The following C8orf34 variants were observed in gnomAD, a reference collection of about 807,000 sequenced individuals.
C8orf34 encodes uncharacterized protein C8orf34.
Under a neutral mutation model 68.3 loss-of-function variants are expected in C8orf34, and 65 were observed. The observed-to-expected ratio is 0.95, with a 90% CI of 0.78 to 1.17. C8orf34 has a LOEUF of 1.17. Ranked by LOEUF, C8orf34 falls within the 50% of genes most tolerant of loss-of-function variation. The pLI, the probability that C8orf34 is intolerant of heterozygous loss-of-function variation, is 0.00. For synonymous variants in C8orf34, 244 were observed against 241.2 expected (o/e 1.01, Z -0.11); for missense variants, 664 against 655.4 (o/e 1.01, Z -0.14).
intron 8 of C8orf34, among the ~76,000 whole-genome samples, chr8:68,670,761 ATTAAT>A (rs1387117037): frequency 5.3e-5 from 8 of 152,136 alleles, no homozygotes; most frequent in Admixed American, 1.3e-4. Context: ...ACATATGCAC[ATTAAT>A]TTGTTATGGC....
At chr8:68,476,724 A>C (rs1424263299) in intron 4 of C8orf34, among the ~76,000 whole-genome samples, 7 of 152,174 alleles carry the variant, frequency 4.6e-5, no homozygotes, top group Non-Finnish European at 8.8e-5. Context: ...CAATGGGCAA[A>C]GATATATGTA....
chr8:68,620,566 C>T (rs1486891350), intron 7 of C8orf34, among the ~76,000 whole-genome samples: 1 of 151,716 alleles, frequency 6.6e-6, no homozygotes, highest in Non-Finnish European at 1.5e-5. Flanking sequence ...CCCTTACAGC[C>T]AGATGCCACC....
intron 7 of C8orf34, among the ~76,000 whole-genome samples, chr8:68,597,372 T>G (rs2130471583): frequency 6.6e-6 from 1 of 152,282 alleles, no homozygotes; most frequent in South Asian, 2.1e-4. Flanking sequence ...TGTTACTTAT[T>G]TTTAAAAATG....
chr8:68,468,423 G>A (rs113651715), intron 3 of C8orf34, among the ~76,000 whole-genome samples: 1 of 152,046 alleles, frequency 6.6e-6, no homozygotes, highest in African/African-American at 2.4e-5. Flanking sequence ...TTCTCCCTGT[G>A]TTATAGAAAT....
chr8:68,816,560 G>A (rs949657223), intron 13 of C8orf34, among the ~76,000 whole-genome samples: 1 of 152,066 alleles, frequency 6.6e-6, no homozygotes, highest in Non-Finnish European at 1.5e-5. Flanking sequence ...TTTAATGCTA[G>A]CCTTTTCTCT....
intron 10 of C8orf34, among the ~76,000 whole-genome samples, chr8:68,768,744 C>T (rs1353687420): frequency 6.6e-6 from 1 of 152,118 alleles, no homozygotes; most frequent in Admixed American, 6.6e-5. Context: ...TCCACAATGT[C>T]ATAGGATATA....
At chr8:68,388,620 G>GAGAAATGAACAAGTGGATATTCATCAAA in intron 1 of C8orf34, among the ~76,000 whole-genome samples, 1 of 152,032 alleles carries the variant, frequency 6.6e-6, no homozygotes, top group Non-Finnish European at 1.5e-5. Context: ...CTCATCTGAT[G>GAGAAATGAACAAGTGGATATTCATCAAA]AGAAATGAAC....
At chr8:68,386,742 T>G (rs1463591035) in intron 1 of C8orf34, among the ~76,000 whole-genome samples, 1 of 152,130 alleles carries the variant, frequency 6.6e-6, no homozygotes, top group African/African-American at 2.4e-5. Context: ...GTGTACAGCA[T>G]TAGAGCAGGG....
At chr8:68,510,338 T>A (rs1814211122) in intron 5 of C8orf34, among the ~76,000 whole-genome samples, 1 of 152,270 alleles carries the variant, frequency 6.6e-6, no homozygotes, top group South Asian at 2.1e-4. Context: ...GCTCCCTTGG[T>A]CTTACTTTCC....
chr8:68,520,514 G>A (rs918972453), intron 5 of C8orf34, among the ~76,000 whole-genome samples: 4 of 151,878 alleles, frequency 2.6e-5, no homozygotes, highest in African/African-American at 9.7e-5. Flanking sequence ...GCAGTGGCAC[G>A]ATCTCGGCTC....
At chr8:68,605,182 G>T (rs1412666469) in intron 7 of C8orf34, among the ~76,000 whole-genome samples, 1 of 151,992 alleles carries the variant, frequency 6.6e-6, no homozygotes. Flanking sequence ...CTGTTAGAAG[G>T]GCCAAAATCC....
intron 12 of C8orf34, among the ~76,000 whole-genome samples, chr8:68,793,338 C>G (rs535751879): frequency 6.6e-6 from 1 of 152,196 alleles, no homozygotes; most frequent in African/African-American, 2.4e-5. Context: ...GATCACTACT[C>G]ACAGATCTTT....
intron 4 of C8orf34, among the ~76,000 whole-genome samples, chr8:68,487,156 A>C (rs956057259): frequency 1.3e-5 from 2 of 152,204 alleles, no homozygotes; most frequent in Non-Finnish European, 2.9e-5. Flanking sequence ...CATATAGAGA[A>C]ATAAAAATAT....
intron 10 of C8orf34, among the ~76,000 whole-genome samples, chr8:68,731,596 T>C (rs545548056): frequency 6.6e-6 from 1 of 152,336 alleles, no homozygotes; most frequent in South Asian, 2.1e-4. Context: ...ATATTCTTTT[T>C]TCCCACTATG....
rs780307507 is a variant in C8orf34, at chr8:68,422,706, C to T, written c.328-16793C>T. ...CAATGGGGACTTTGCATGGAGGCTC[C>T]GACCCCACATTTCCCTTCCACACTG... On this transcript the variant is annotated intron_variant, in intron 1 of 13. Coordinates refer to ENST00000518698, the MANE Select transcript of C8orf34 (RefSeq NM_052958.4). Among the ~76,000 whole-genome samples, 115 of 152,306 alleles carry T rather than the reference C, an allele frequency of 7.6e-4. 1 individual carries two copies. Among genetic ancestry groups the T allele is most frequent in the Non-Finnish European group, 9.8e-4 (67 of 68,022 alleles).
intron 1 of C8orf34, among the ~76,000 whole-genome samples, chr8:68,351,342 G>A (rs764722839): frequency 3.3e-5 from 5 of 151,960 alleles, no homozygotes; most frequent in African/African-American, 9.7e-5. Flanking sequence ...AGCTTGATAA[G>A]GTTCCCTTTG....
At chr8:68,501,035 T>C (rs1279945925) in intron 5 of C8orf34, among the ~76,000 whole-genome samples, 1 of 152,144 alleles carries the variant, frequency 6.6e-6, no homozygotes, top group African/African-American at 2.4e-5. Flanking sequence ...ATATGCCTTC[T>C]GCCTCCAATG....
At chr8:68,415,371 T>A (rs933013124) in intron 1 of C8orf34, among the ~76,000 whole-genome samples, 13 of 152,004 alleles carry the variant, frequency 8.6e-5, no homozygotes, top group Admixed American at 4.6e-4. Context: ...TCCCAGCTAC[T>A]CAGCAGGCTG....
chr8:68,774,329 G>GATATATATATA (rs1823441073), intron 10 of C8orf34, among the ~76,000 whole-genome samples: 1 of 126,888 alleles, frequency 7.9e-6, no homozygotes, highest in African/African-American at 3.4e-5. Flanking sequence ...ATGGGTGTGT[G>GATATATATATA]TGTATATATA....
Sources: gnomAD v4.1 joint callset for allele counts (sites outside exome capture counted in the v4.1 genomes callset) on GRCh38, gnomAD v4.1.1 for gene constraint, MANE v1.5 for transcripts, NCBI Gene and HGNC (gene_info 2026-07-23, HGNC 2026-07-21) for gene names.